Variants in FRMPD4 observed in about 807,000 individuals in gnomAD.
FRMPD4 encodes the protein FERM and PDZ domain-containing protein 4.
A neutral mutation model predicts 94.1 loss-of-function variants in FRMPD4; 22 were observed. That is an observed-to-expected ratio of 0.23 (90% CI 0.17 to 0.33). FRMPD4 has a LOEUF of 0.33. Among genes scored for constraint, FRMPD4 ranks in the 10% least tolerant of loss-of-function variants. FRMPD4 has a pLI of 1.00. For missense variants in FRMPD4, 1,111 were observed against 1,339.9 expected (o/e 0.83, Z 2.67); for synonymous variants, 631 against 548.6 (o/e 1.15, Z -2.10).
At chrX:12,601,691 A>C (rs1448599864) in intron 2 of FRMPD4, among the ~76,000 whole-genome samples, 1 of 112,281 alleles carries the variant, frequency 8.9e-6, no homozygotes, top group African/African-American at 3.2e-5. Context: ...AGTTCTGGGA[A>C]TCTTACACAG....
chrX:12,686,028 T>C, intron 6 of FRMPD4, 69 bp from the exon 7 acceptor site: 1 of 521,923 alleles, frequency 1.9e-6, no homozygotes, highest in Non-Finnish European at 3.4e-6. Context: ...AGTATAGATG[T>C]GCTGCTACTG....
intron 1 of FRMPD4, among the ~76,000 whole-genome samples, chrX:12,348,589 G>GA (rs35385075): frequency 0.22 from 14,325 of 65,991 alleles, 1,312 homozygotes; most frequent in Non-Finnish European, 0.26. Context: ...ATGCTTCCAG[G>GA]AAAAAAAAAA....
chrX:12,276,968 A>AC (rs1357049084), intron 1 of FRMPD4, among the ~76,000 whole-genome samples: 12 of 107,371 alleles, frequency 1.1e-4, no homozygotes, highest in African/African-American at 4.1e-4. Flanking sequence ...AAAAATACAA[A>AC]AAATTAGCCG....
At chrX:12,663,405 TG>T (rs1247663655) in intron 4 of FRMPD4, among the ~76,000 whole-genome samples, 3 of 111,784 alleles carry the variant, frequency 2.7e-5, no homozygotes, top group Non-Finnish European at 3.8e-5. Flanking sequence ...TTCAGTTTTT[TG>T]CATATGGCTA....
chrX:11,920,864 A>AAG (rs1474807457), intron 3 of FRMPD4, among the ~76,000 whole-genome samples: 2 of 111,059 alleles, frequency 1.8e-5, no homozygotes, highest in Non-Finnish European at 3.8e-5. Context: ...ACAAAGGGAG[A>AAG]AGAGAGAGAG....
intron 2 of FRMPD4, among the ~76,000 whole-genome samples, chrX:12,555,865 G>T (rs187805439): frequency 1.8e-5 from 2 of 111,639 alleles, no homozygotes; most frequent in African/African-American, 6.5e-5. Flanking sequence ...CCATGCAAAG[G>T]TTTACCCACT....
intron 3 of FRMPD4, among the ~76,000 whole-genome samples, chrX:11,966,328 C>G (rs770483925): frequency 9.0e-6 from 1 of 110,991 alleles, no homozygotes; most frequent in Non-Finnish European, 1.9e-5. Context: ...AATAAAGGAG[C>G]TTGTTTGCCC....
At chrX:12,261,670 A>G (rs1211250370) in intron 1 of FRMPD4, among the ~76,000 whole-genome samples, 7 of 112,299 alleles carry the variant, frequency 6.2e-5, no homozygotes, top group Admixed American at 1.9e-4. Flanking sequence ...TTTAAACTTT[A>G]TTATAAAAAT....
At chrX:12,147,530 A>G (rs1364471616) in intron 1 of FRMPD4, among the ~76,000 whole-genome samples, 1 of 112,284 alleles carries the variant, frequency 8.9e-6, no homozygotes, top group Non-Finnish European at 1.9e-5. Flanking sequence ...TGTGTTATGC[A>G]GCATTGTTGT....
intron 1 of FRMPD4, among the ~76,000 whole-genome samples, chrX:12,144,776 A>G (rs766878846): frequency 1.1e-4 from 12 of 107,200 alleles, no homozygotes; most frequent in Non-Finnish European, 5.7e-5. Context: ...TATATTATAT[A>G]TATAAAATAT....
intron 1 of FRMPD4, among the ~76,000 whole-genome samples, chrX:12,184,733 C>G (rs1050156930): frequency 9.0e-6 from 1 of 111,497 alleles, no homozygotes; most frequent in African/African-American, 3.3e-5. Context: ...CACAGAAACA[C>G]AAACATTGCA....
At chrX:11,855,728 T>C (rs1193068503) in intron 1 of FRMPD4, among the ~76,000 whole-genome samples, 1 of 112,217 alleles carries the variant, frequency 8.9e-6, no homozygotes, top group African/African-American at 3.2e-5. Flanking sequence ...TCAACAAGTA[T>C]CTAGGAAGTT....
At chrX:12,711,111 A>G (rs753492192) in intron 14 of FRMPD4, among the ~76,000 whole-genome samples, 1 of 111,465 alleles carries the variant, frequency 9.0e-6, no homozygotes, top group Non-Finnish European at 1.9e-5. Context: ...TTTTATTATC[A>G]TGAAAGTCTC....
intron 2 of FRMPD4, among the ~76,000 whole-genome samples, chrX:12,553,521 TCTGGCCC>T (rs2148333523): frequency 9.9e-6 from 1 of 100,944 alleles, no homozygotes; most frequent in East Asian, 3.2e-4. Context: ...TTGCCTCTCC[TCTGGCCC>T]CCTCCCTTTA....
chrX:12,717,122 G>T lies in FRMPD4; in HGVS notation c.2663G>T (p.Ser888Ile), dbSNP rs747576881. 2 of 1,150,966 alleles carry T rather than the reference G, an allele frequency of 1.7e-6. No individual in the cohort carries two copies. The highest frequency in any genetic ancestry group is 2.3e-6 in the Non-Finnish European group (2 of 852,867). The allele number at this position is 1,150,966 out of a possible 1,213,427, so 94.9% of individuals were successfully genotyped here. The change falls in exon 15 of 17, where the codon AGT becomes ATT. Residue 888 changes from serine to isoleucine, a missense_variant. Around this residue, in one of 8 missense-constraint regions of FRMPD4, gnomAD observed 74 missense variants for 93.9 expected, o/e 0.79. Coordinates refer to ENST00000675598, the MANE Select transcript of FRMPD4 (RefSeq NM_001368397.1). Reference sequence around the variant, plus strand: ...TCCGTGTCAGAAGAACAGCAGACCAGTGACAATTCAGGTTCTTTCACAATT... The same window carrying T: ...TCCGTGTCAGAAGAACAGCAGACCATTGACAATTCAGGTTCTTTCACAATT... ...ALSVSEEQQT[S>I]DNSGVAILRA...
At chrX:12,160,359 A>G (rs1199512770) in intron 1 of FRMPD4, among the ~76,000 whole-genome samples, 2 of 111,796 alleles carry the variant, frequency 1.8e-5, no homozygotes, top group South Asian at 7.6e-4. Flanking sequence ...TTGTTGCAAT[A>G]AAGTTCTGAT....
chrX:12,156,138 G>C (rs1345443364), intron 1 of FRMPD4, among the ~76,000 whole-genome samples: 1 of 111,638 alleles, frequency 9.0e-6, no homozygotes, highest in Non-Finnish European at 1.9e-5. Flanking sequence ...GGCATATAGT[G>C]GGAAGGGGCC....
intron 1 of FRMPD4, among the ~76,000 whole-genome samples, chrX:12,483,447 A>G (rs2057709296): frequency 8.9e-6 from 1 of 111,796 alleles, no homozygotes; most frequent in Admixed American, 9.5e-5. Context: ...AATCATCAAA[A>G]CTTTATGGAT....
chrX:12,348,044 G>C (rs759588907), intron 1 of FRMPD4, among the ~76,000 whole-genome samples: 6 of 111,910 alleles, frequency 5.4e-5, no homozygotes, highest in Admixed American at 9.5e-5. Context: ...TTTATGAACA[G>C]TTGTTTAGTG....
Sources: allele counts gnomAD v4.1 joint callset (sites outside exome capture counted in the v4.1 genomes callset), GRCh38; gene constraint gnomAD v4.1.1; regional missense constraint gnomAD v4.1.1; transcripts MANE v1.5; gene names NCBI Gene and HGNC (gene_info 2026-07-23, HGNC 2026-07-21).